The following FRMPD2 variants were observed in gnomAD, a reference collection of about 807,000 sequenced individuals.
FRMPD2 encodes FERM and PDZ domain containing 2.
In FRMPD2, 96 loss-of-function variants were observed where a neutral mutation model predicts 140.1. That is an observed-to-expected ratio of 0.69 (90% CI 0.58 to 0.81). The LOEUF (loss-of-function observed/expected upper bound fraction) is 0.81, where lower values mean the gene tolerates loss of function less well. Ranked by LOEUF, FRMPD2 falls within the 40% of genes least tolerant of loss-of-function variation. FRMPD2 has a pLI of 0.00. For synonymous variants in FRMPD2, 449 were observed against 547.6 expected (o/e 0.82, Z 2.52); for missense variants, 1,240 against 1,447.4 (o/e 0.86, Z 2.32).
intron 15 of FRMPD2, among the ~76,000 whole-genome samples, chr10:48,200,151 TATAA>T (rs201958134): frequency 0.22 from 29,840 of 135,404 alleles, 3,403 homozygotes; most frequent in East Asian, 0.48. Flanking sequence ...AGCTAAAAAA[TATAA>T]ATAAATAAAT....
At chr10:48,270,228 A>T (rs963063456) in intron 1 of FRMPD2, among the ~76,000 whole-genome samples, 1 of 152,174 alleles carries the variant, frequency 6.6e-6, no homozygotes, top group Admixed American at 6.5e-5. Flanking sequence ...GCCCATTTTC[A>T]TCCCTCAAGT....
intron 28 of FRMPD2, among the ~76,000 whole-genome samples, chr10:48,163,044 G>T (rs1174121143): frequency 2.8e-5 from 4 of 143,706 alleles, no homozygotes; most frequent in Non-Finnish European, 6.0e-5. Flanking sequence ...AGATACAAGA[G>T]AAAGGTTTGT....
intron 20 of FRMPD2, 105 bp from the exon 21 acceptor site, chr10:48,181,113 T>C: frequency 7.3e-6 from 5 of 680,298 alleles, no homozygotes; most frequent in South Asian, 6.5e-5. Flanking sequence ...AGTGATCGTT[T>C]ATAGCTGCTC....
chr10:48,250,252 C>A (rs1840344762), intron 2 of FRMPD2, among the ~76,000 whole-genome samples: 1 of 152,186 alleles, frequency 6.6e-6, no homozygotes, highest in Admixed American at 6.5e-5. Flanking sequence ...TGGCAGGGCA[C>A]ACCAGCAAAT....
intron 1 of FRMPD2, among the ~76,000 whole-genome samples, chr10:48,255,719 T>G (rs144013314): frequency 2.6e-5 from 4 of 152,194 alleles, no homozygotes; most frequent in East Asian, 3.9e-4. Flanking sequence ...TTAGCTGAAG[T>G]GGTCAAGGAA....
At chr10:48,218,264 G>C (rs966624892) in intron 12 of FRMPD2, among the ~76,000 whole-genome samples, 3 of 152,158 alleles carry the variant, frequency 2.0e-5, no homozygotes, top group African/African-American at 7.2e-5. Flanking sequence ...TTAATTAGGG[G>C]TTCTACATAT....
chr10:48,159,045 G>A (rs1303175087), intron 28 of FRMPD2: 3 of 376,856 alleles, frequency 8.0e-6, no homozygotes, highest in African/African-American at 6.6e-5. Context: ...AAATATGAAG[G>A]TATTATAATT....
intron 3 of FRMPD2, chr10:48,248,776 T>G (rs1840310277): frequency 2.9e-6 from 1 of 340,376 alleles, no homozygotes. Context: ...CCTGATCAAT[T>G]AAGCCACATT....
intron 12 of FRMPD2, among the ~76,000 whole-genome samples, chr10:48,221,250 C>G (rs570341899): frequency 4.5e-4 from 69 of 152,264 alleles, no homozygotes; most frequent in Non-Finnish European, 8.1e-4. Context: ...TTTATCCACT[C>G]ATTCCATAAA....
chr10:48,199,306 C>A (rs1254226585), intron 15 of FRMPD2, among the ~76,000 whole-genome samples: 4 of 147,782 alleles, frequency 2.7e-5, no homozygotes, highest in Non-Finnish European at 4.5e-5. Context: ...CTACAAGGTA[C>A]CTTAAATTTT....
At chr10:48,222,587 T>C (rs1839627903) in intron 11 of FRMPD2, 136 bp from the exon 12 acceptor site, 1 of 899,730 alleles carries the variant, frequency 1.1e-6, no homozygotes, top group East Asian at 2.5e-5. Flanking sequence ...TCAGAGGCAA[T>C]GCCAGCAAGA....
intron 15 of FRMPD2, among the ~76,000 whole-genome samples, chr10:48,200,142 G>C (rs1236886855): frequency 1.4e-5 from 2 of 139,128 alleles, no homozygotes; most frequent in Admixed American, 1.5e-4. Context: ...AAAACTAAAA[G>C]CTAAAAAATA....
chr10:48,229,461 C>T (rs373236396), intron 10 of FRMPD2, among the ~76,000 whole-genome samples: 26 of 152,208 alleles, frequency 1.7e-4, no homozygotes, highest in African/African-American at 6.0e-4. Context: ...GTCTTTCCAG[C>T]TGGGCCCTTG....
chr10:48,187,393 G>C, intron 16 of FRMPD2, 101 bp from the exon 17 acceptor site: 1 of 928,500 alleles, frequency 1.1e-6, no homozygotes, highest in South Asian at 1.5e-5. Context: ...GCATTTCTGA[G>C]TATGGATGAT....
chr10:48,261,518 TA>T (rs894950954), intron 1 of FRMPD2, among the ~76,000 whole-genome samples: 11 of 152,118 alleles, frequency 7.2e-5, no homozygotes, highest in South Asian at 6.2e-4. Flanking sequence ...AGTGTAAAAA[TA>T]AAAAAACTAC....
At chr10:48,193,468 T>G (rs1171597092) in intron 15 of FRMPD2, among the ~76,000 whole-genome samples, 1 of 152,220 alleles carries the variant, frequency 6.6e-6, no homozygotes, top group Non-Finnish European at 1.5e-5. Context: ...CTTGCCTTTC[T>G]CCTTCCATGC....
chr10:48,219,791 T>C (rs1839537359), intron 12 of FRMPD2, among the ~76,000 whole-genome samples: 1 of 152,218 alleles, frequency 6.6e-6, no homozygotes, highest in Non-Finnish European at 1.5e-5. Context: ...AGGACTATCA[T>C]TGGCAGTTAA....
At chr10:48,202,678 C>T (rs1199333339) in intron 14 of FRMPD2, among the ~76,000 whole-genome samples, 3 of 152,248 alleles carry the variant, frequency 2.0e-5, no homozygotes, top group African/African-American at 7.2e-5. Context: ...TTCATCCACA[C>T]TTTTTCAAAG....
chr10:48,208,295 A>C (rs1839246241), intron 13 of FRMPD2, among the ~76,000 whole-genome samples: 1 of 152,236 alleles, frequency 6.6e-6, no homozygotes, highest in Non-Finnish European at 1.5e-5. Flanking sequence ...TGCTAGACTT[A>C]AACTTCTTCA....
Sources: gnomAD v4.1 joint callset for allele counts (sites outside exome capture counted in the v4.1 genomes callset) on GRCh38, gnomAD v4.1.1 for gene constraint, MANE v1.5 for transcripts, NCBI Gene and HGNC (gene_info 2026-07-23, HGNC 2026-07-21) for gene names.